The following FBXO32 variants were observed in gnomAD, a reference collection of about 807,000 sequenced individuals.
FBXO32 encodes the protein F-box protein 32.
Under a neutral mutation model 48.3 loss-of-function variants are expected in FBXO32, and 15 were observed. The ratio of observed to expected loss-of-function variants is 0.31; its 90% CI spans 0.21 to 0.48. The LOEUF (loss-of-function observed/expected upper bound fraction) is 0.48. Ranked by LOEUF, FBXO32 falls within the 20% of genes least tolerant of loss-of-function variation. FBXO32 has a pLI of 0.99. For missense variants in FBXO32, 309 were observed against 432.7 expected (o/e 0.71, Z 2.54); for synonymous variants, 154 against 165.9 (o/e 0.93, Z 0.55).
intron 4 of FBXO32, 27 bp downstream of exon 4, chr8:123,531,871 A>C (rs1014578069): frequency 1.2e-6 from 2 of 1,611,854 alleles, no homozygotes; most frequent in African/African-American, 2.7e-5. Context: ...AAGAGCCTGG[A>C]TGAGCCTTTA....
At position 123,540,758 on chromosome 8, in the gene FBXO32, C is replaced by T. The variant is rs1817394717; in HGVS notation, c.116+141G>A. The T allele has an allele frequency of 3.0e-6, 2 of 661,802 alleles. No individual in the cohort carries two copies. The highest frequency in any genetic ancestry group is 1.8e-5 in the South Asian group (1 of 56,290). 41.0% of individuals were successfully genotyped at this position (661,802 alleles called of 1,614,324 possible). A position where few individuals can be genotyped will look rare whatever the true frequency, so the allele number is the denominator to read the frequency against. On this transcript the variant is annotated intron_variant, in intron 1 of 8. Coordinates refer to ENST00000517956, the MANE Select transcript of FBXO32 (RefSeq NM_058229.4). The surrounding 1 kb of genome is among the most constrained non-coding windows in gnomAD (Gnocchi z 6.4). Reference sequence around the variant, plus strand: ...CGAAGACCTCTGCAGAAATCGGGCCCCGTAGTCCCACCCTCCGGGTCAGGG... The same window carrying T: ...CGAAGACCTCTGCAGAAATCGGGCCTCGTAGTCCCACCCTCCGGGTCAGGG...
rs529316143 is a variant in FBXO32 at position 123,508,969 on chromosome 8, G to A, written c.652-2395C>T. ...ATATAAACGTATAAAAGAAAAATTA[G>A]TCACTCTCGCTCCTCTAGTCAAGCA... is the stretch of plus-strand genomic sequence containing the variant. On this transcript the variant is annotated intron_variant, in intron 6 of 8. Coordinates refer to ENST00000517956, the MANE Select transcript of FBXO32 (RefSeq NM_058229.4). Among the ~76,000 whole-genome samples, 12 of 152,176 alleles carry A rather than the reference G, an allele frequency of 7.9e-5. 1 individual carries two copies. The South Asian group carries it at 2.5e-3, about 32-fold the overall frequency.
rs1238169636 is a variant in FBXO32 at position 123,533,194 on chromosome 8, T to C, written c.276A>G (p.Lys92=). The change falls in exon 3 of 9, where the codon AAA becomes AAG. Residue 92 remains lysine (K), a synonymous_variant. Transcript: ENST00000517956. ...AGTAAATGAATGGGATGCTCACCTC[T>C]TTAGTACTTCCTTTGTGAACATAGA... ...KWIYVHKGST[K]ERHGYCTLGE... 13 of 1,611,854 alleles carry C rather than the reference T, an allele frequency of 8.1e-6. No homozygotes were observed. Among genetic ancestry groups the C allele is most frequent in the Non-Finnish European group, 1.1e-5 (13 of 1,178,078 alleles).
In FBXO32 at chr8:123,530,759, C is replaced by A. The variant is rs182838759; in HGVS notation, c.372+1139G>T. ...CCTCCCGAGTAGCTGGGATTACAGG[C>A]GCCCACCACCACACCTGGATAATTT... On this transcript the variant is annotated intron_variant, in intron 4 of 8. Coordinates refer to ENST00000517956, the MANE Select transcript of FBXO32 (RefSeq NM_058229.4). 4.3e-3 allele frequency among the ~76,000 whole-genome samples: 653 copies of A among 151,684 alleles called. 5 individuals are homozygous for A. The highest frequency in any genetic ancestry group is 0.015 in the African/African-American group (609 of 41,332).
chr8:123,515,376 C>T (rs1420976445), intron 4 of FBXO32, among the ~76,000 whole-genome samples: 1 of 151,776 alleles, frequency 6.6e-6, no homozygotes, highest in Non-Finnish European at 1.5e-5. Context: ...GCTGGGATTA[C>T]AGGCATGTGC....
chr8:123,514,089 T>C (rs1292238973), intron 5 of FBXO32, 151 bp downstream of exon 5: 1 of 601,110 alleles, frequency 1.7e-6, no homozygotes, highest in African/African-American at 1.9e-5. Flanking sequence ...CTTTCCGAAC[T>C]GGAATTTAGT....
In FBXO32 at chr8:123,513,993, G is replaced by A. The variant is rs1159192415; in HGVS notation, c.466+247C>T. On this transcript the variant is annotated intron_variant, in intron 5 of 8. Transcript: ENST00000517956. This position sits in a 1 kb window ranked among gnomAD's most constrained non-coding sequence, Gnocchi z 4.3. Reference sequence around the variant, plus strand: ...TGTGTCTACACTGAGAAGCCTACGAGGCTTATAGTAGGGCAAGTGGATGGT... The same window carrying A: ...TGTGTCTACACTGAGAAGCCTACGAAGCTTATAGTAGGGCAAGTGGATGGT... 7.0e-6 allele frequency: 3 copies of A among 426,446 alleles called. No individual in the cohort carries two copies. The highest frequency in any genetic ancestry group is 5.3e-5 in the South Asian group (1 of 18,770). The allele number at this position is 426,446 out of a possible 1,614,324, so 26.4% of individuals were successfully genotyped here. A position where few individuals can be genotyped will look rare whatever the true frequency, so the allele number is the denominator to read the frequency against.
At chr8:123,534,846 T>G (rs756641860) in intron 1 of FBXO32, 32 bp from the exon 2 acceptor site, 3 of 1,411,298 alleles carry the variant, frequency 2.1e-6, no homozygotes, top group Non-Finnish European at 3.0e-6. Context: ...GAGGATGAGC[T>G]GTAACAGCTA....
At chr8:123,520,086 C>A (rs1452462074) in intron 4 of FBXO32, among the ~76,000 whole-genome samples, 2 of 152,148 alleles carry the variant, frequency 1.3e-5, no homozygotes, top group Non-Finnish European at 2.9e-5. Flanking sequence ...TCGCGCACAG[C>A]CCAAATTTAT....
At chr8:123,504,452 C>A (rs1816568806) in intron 8 of FBXO32, 152 bp downstream of exon 8, 2 of 275,290 alleles carry the variant, frequency 7.3e-6, no homozygotes, top group Admixed American at 5.3e-5. Context: ...CCCCCCCACC[C>A]TCCCAGGCAC....
chr8:123,504,570 G>A, intron 8 of FBXO32, 34 bp downstream of exon 8: 1 of 1,596,846 alleles, frequency 6.3e-7, no homozygotes. Flanking sequence ...GGGCTGGGCT[G>A]GGGGTCTGTG....
chr8:123,503,813 C>G (rs1010378050), intron 8 of FBXO32, among the ~76,000 whole-genome samples: 1 of 152,166 alleles, frequency 6.6e-6, no homozygotes, highest in African/African-American at 2.4e-5. Context: ...CACGATGGCT[C>G]ACACCTGTAA....
chr8:123,540,912 T>C lies in FBXO32; in HGVS notation c.103A>G (p.Ser35Gly). Residue 35 changes from serine (S) to glycine (G), a missense_variant, in exon 1 of 9, where the codon AGC becomes GGC. Physicochemically the swap from Ser to Gly is moderately conservative, Grantham distance 56. Coordinates refer to ENST00000517956, the MANE Select transcript of FBXO32 (RefSeq NM_058229.4). The surrounding 1 kb of genome is among the most constrained non-coding windows in gnomAD (Gnocchi z 6.4). The part of the protein sequence containing the change: ...FLDEKSGSFV[S>G]DLSSYCNKEV... ...GGGTCCCCTCACCTGCTGAGGTCGC[T>C]CACGAAACTGCCGCTCTTCTCATCC... 6.2e-7 allele frequency: 1 copy of C among 1,613,374 alleles called. No homozygotes were observed. The highest frequency in any genetic ancestry group is 8.5e-7 in the Non-Finnish European group (1 of 1,179,624).
rs1816403612 is a variant in FBXO32 at position 123,498,432 on chromosome 8, A to G, written c.*4941T>C. ...GGGCCTAAGTTTTGAGAGATTCTCC[A>G]GAAAGCTTTGTTTGCTGAGTGAATT... On this transcript the variant is annotated 3_prime_UTR_variant, in exon 9 of 9. Transcript: ENST00000517956. 1 of 152,250 alleles carries G rather than the reference A, an allele frequency of 6.6e-6. No individual in the cohort carries two copies. Among genetic ancestry groups the G allele is most frequent in the African/African-American group, 2.4e-5 (1 of 41,470 alleles). The allele number at this position is 152,250 out of a possible 1,614,324, so 9.4% of individuals were successfully genotyped here.
Position 123,541,156 on chromosome 8 carries a change from G to A in FBXO32, c.-142C>T. The A allele has an allele frequency of 2.4e-6, 1 of 412,574 alleles. No individual in the cohort carries two copies. Among genetic ancestry groups the A allele is most frequent in the Admixed American group, 4.6e-5 (1 of 21,742 alleles). The allele number at this position is 412,574 out of a possible 1,614,324, so 25.6% of individuals were successfully genotyped here. On this transcript the variant is annotated 5_prime_UTR_variant, in exon 1 of 9. Coordinates refer to ENST00000517956, the MANE Select transcript of FBXO32 (RefSeq NM_058229.4). ...GCGGGAACGGCGCGGGGCACCCTGC[G>A]GGGTGGCGGGCGCGGAGAGGATCTC...
rs903435566 is a variant in FBXO32, at chr8:123,525,418, T to C, written c.372+6480A>G. On this transcript the variant is annotated intron_variant, in intron 4 of 8. Transcript: ENST00000517956. The surrounding 1 kb of genome is among the most constrained non-coding windows in gnomAD (Gnocchi z 4.3). ...CTCCGTGACCTTTCTGGGCTGTTAA[T>C]GGTAGCTACAGTTACTGTAGACTTG... Among the ~76,000 whole-genome samples the C allele has an allele frequency of 6.6e-6, 1 of 152,224 alleles. No homozygotes were observed. Among genetic ancestry groups the C allele is most frequent in the Non-Finnish European group, 1.5e-5 (1 of 68,020 alleles).
intron 6 of FBXO32, among the ~76,000 whole-genome samples, chr8:123,509,762 G>A (rs1326964783): frequency 6.6e-6 from 1 of 152,096 alleles, no homozygotes; most frequent in African/African-American, 2.4e-5. Context: ...AAGGCTCCGT[G>A]GGTTCCAGTA....
chr8:123,536,365 C>T (rs1419801599), intron 1 of FBXO32, among the ~76,000 whole-genome samples: 2 of 152,164 alleles, frequency 1.3e-5, no homozygotes, highest in Non-Finnish European at 2.9e-5. Context: ...CTTTGTACAA[C>T]ACATGAGTGT....
chr8:123,529,245 A>C (rs1446949507), intron 4 of FBXO32, among the ~76,000 whole-genome samples: 1 of 152,224 alleles, frequency 6.6e-6, no homozygotes, highest in Non-Finnish European at 1.5e-5. Flanking sequence ...GTATTTTACA[A>C]TTAGATACTC....
Sources: gnomAD v4.1 joint callset for allele counts (sites outside exome capture counted in the v4.1 genomes callset) on GRCh38, gnomAD v4.1.1 for gene constraint, Gnocchi (gnomAD v3.1) non-coding constraint, MANE v1.5 for transcripts, NCBI Gene and HGNC (gene_info 2026-07-23, HGNC 2026-07-21) for gene names.